The following BBOX1 variants were observed in gnomAD, a reference collection of about 807,000 sequenced individuals.
The protein encoded by BBOX1 is gamma-butyrobetaine hydroxylase 1, also known as gamma-butyrobetaine dioxygenase.
In BBOX1, 35 loss-of-function variants were observed where a neutral mutation model predicts 41.6. The ratio of observed to expected loss-of-function variants is 0.84; its 90% confidence interval spans 0.64 to 1.11. The LOEUF is 1.11. BBOX1 is among the 50% of genes most tolerant of loss of function. The pLI, the probability that BBOX1 is intolerant of heterozygous loss-of-function variation, is 0.00. For missense variants in BBOX1, 458 were observed against 460.6 expected (o/e 0.99, Z 0.05); for synonymous variants, 163 against 154.7 (o/e 1.05, Z -0.40).
chr11:27,050,284 G>T (rs1257797119), intron 2 of BBOX1, among the ~76,000 whole-genome samples: 2 of 152,096 alleles, frequency 1.3e-5, no homozygotes, highest in African/African-American at 4.8e-5. Context: ...ATCTGATAAT[G>T]TGATAGTTCC....
chr11:27,111,085 G>A (rs1353877837), intron 5 of BBOX1, among the ~76,000 whole-genome samples: 2 of 151,496 alleles, frequency 1.3e-5, no homozygotes, highest in Non-Finnish European at 2.9e-5. Context: ...TTAAGCTAAG[G>A]TATTTTTAAT....
intron 5 of BBOX1, among the ~76,000 whole-genome samples, chr11:27,099,026 T>C (rs1858547680): frequency 1.3e-5 from 2 of 151,880 alleles, no homozygotes; most frequent in African/African-American, 4.8e-5. Context: ...TCAGGAAATT[T>C]TAATGAAAGG....
intron 4 of BBOX1, among the ~76,000 whole-genome samples, chr11:27,082,384 G>A (rs897451559): frequency 6.6e-6 from 1 of 152,030 alleles, no homozygotes; most frequent in African/African-American, 2.4e-5. Context: ...GGATGAAGAG[G>A]GCCTTCTGTG....
chr11:27,081,272 T>C (rs1857824840), intron 4 of BBOX1, among the ~76,000 whole-genome samples: 1 of 152,092 alleles, frequency 6.6e-6, no homozygotes, highest in Admixed American at 6.6e-5. Flanking sequence ...GGCTGAAAAG[T>C]TAGTATGAGT....
At chr11:27,048,109 T>TG (rs1214716261) in intron 2 of BBOX1, among the ~76,000 whole-genome samples, 5 of 152,124 alleles carry the variant, frequency 3.3e-5, no homozygotes, top group East Asian at 1.9e-4. Flanking sequence ...CATTGTATGT[T>TG]GGGGGGGTGA....
intron 2 of BBOX1, among the ~76,000 whole-genome samples, chr11:27,048,426 G>C (rs1290076268): frequency 6.6e-6 from 1 of 151,780 alleles, no homozygotes; most frequent in Non-Finnish European, 1.5e-5. Flanking sequence ...TATCAAAAAT[G>C]ACAGAATTTA....
chr11:27,080,947 T>C (rs1203640809), intron 4 of BBOX1, among the ~76,000 whole-genome samples: 1 of 152,166 alleles, frequency 6.6e-6, no homozygotes, highest in Admixed American at 6.6e-5. Context: ...ATAGATATTA[T>C]CTCATTCAAA....
At chr11:27,126,684 T>C (rs1180788256) in intron 8 of BBOX1, among the ~76,000 whole-genome samples, 1 of 150,432 alleles carries the variant, frequency 6.6e-6, no homozygotes. Flanking sequence ...TTTCTTTTTT[T>C]TTTTTTTTTG....
chr11:27,046,566 C>G (rs1420344508), intron 2 of BBOX1, among the ~76,000 whole-genome samples: 1 of 151,896 alleles, frequency 6.6e-6, no homozygotes, highest in Non-Finnish European at 1.5e-5. Context: ...TACTGTTTCC[C>G]ACCAAAACCA....
intron 4 of BBOX1, among the ~76,000 whole-genome samples, chr11:27,089,633 C>A (rs951519806): frequency 6.6e-6 from 1 of 151,876 alleles, no homozygotes; most frequent in Non-Finnish European, 1.5e-5. Flanking sequence ...GATGGGAAAT[C>A]GAAAAATCAA....
chr11:27,077,779 ATTT>A (rs1192185999), intron 4 of BBOX1, among the ~76,000 whole-genome samples: 2 of 152,090 alleles, frequency 1.3e-5, no homozygotes, highest in Non-Finnish European at 2.9e-5. Context: ...GATGACTTAT[ATTT>A]AAGTTAGGCT....
chr11:27,121,201 G>C (rs1242949259), intron 7 of BBOX1, among the ~76,000 whole-genome samples: 3 of 151,960 alleles, frequency 2.0e-5, no homozygotes, highest in African/African-American at 4.8e-5. Flanking sequence ...GTTCTAAAAG[G>C]GTCCTAAGGA....
intron 5 of BBOX1, among the ~76,000 whole-genome samples, chr11:27,114,401 A>C (rs190688499): frequency 1.3e-5 from 2 of 151,992 alleles, no homozygotes; most frequent in Admixed American, 1.3e-4. Flanking sequence ...GCCAGTATCA[A>C]ATTTATATGA....
chr11:27,061,844 G>A (rs1343891544), intron 4 of BBOX1, among the ~76,000 whole-genome samples: 1 of 152,128 alleles, frequency 6.6e-6, no homozygotes, highest in African/African-American at 2.4e-5. Flanking sequence ...TTTCTATTCA[G>A]TTGCACATAT....
At chr11:27,089,079 G>C (rs955933942) in intron 4 of BBOX1, among the ~76,000 whole-genome samples, 4 of 151,908 alleles carry the variant, frequency 2.6e-5, no homozygotes, top group Non-Finnish European at 5.9e-5. Context: ...ATAGCACCTG[G>C]TAAGAGGCTG....
At chr11:27,124,273 C>T (rs562452017) in intron 7 of BBOX1, among the ~76,000 whole-genome samples, 1 of 152,248 alleles carries the variant, frequency 6.6e-6, no homozygotes, top group African/African-American at 2.4e-5. Flanking sequence ...GATGCTGCTC[C>T]CAGGAGTAAT....
Position 27,063,635 on chromosome 11 carries a change from G to A in BBOX1, c.334+6320G>A, listed in dbSNP as rs1399845885. On this transcript the variant is annotated intron_variant, in intron 4 of 8. Transcript: ENST00000263182. The stretch of plus-strand genomic sequence containing the variant: ...CTGCTCAGTTTTCTCAGCAATCCAG[G>A]GATGGAGTACATTGCACAGTCAAAA... 5.3e-5 allele frequency among the ~76,000 whole-genome samples: 8 copies of A among 150,040 alleles called. No individual in the cohort carries two copies. The Admixed American group carries it at 5.3e-4, about 10-fold the overall frequency.
intron 2 of BBOX1, among the ~76,000 whole-genome samples, chr11:27,042,978 C>T (rs867290152): frequency 3.9e-5 from 6 of 152,180 alleles, no homozygotes; most frequent in Middle Eastern, 6.8e-3. Flanking sequence ...ACTTCTTGCC[C>T]TTTCTCTCCA....
chr11:27,124,895 T>G (rs185110611), intron 7 of BBOX1, among the ~76,000 whole-genome samples: 1 of 152,264 alleles, frequency 6.6e-6, no homozygotes, highest in African/African-American at 2.4e-5. Context: ...AGAAAGAGAA[T>G]AGAGATCACA....
Sources: allele counts gnomAD v4.1 joint callset (sites outside exome capture counted in the v4.1 genomes callset), GRCh38; gene constraint gnomAD v4.1.1; transcripts MANE v1.5; gene names NCBI Gene and HGNC (gene_info 2026-07-23, HGNC 2026-07-21).